Variants in ELL observed in about 807,000 individuals in gnomAD.
ELL encodes the protein RNA polymerase II elongation factor ELL.
A neutral mutation model predicts 64.0 loss-of-function variants in ELL; 18 were observed. The observed-to-expected ratio is 0.28, with a 90% confidence interval of 0.19 to 0.42. ELL has a LOEUF of 0.42. Among genes scored for constraint, ELL ranks in the 10% least tolerant of loss-of-function variants. ELL has a pLI of 1.00. For missense variants in ELL, 797 were observed against 870.4 expected (o/e 0.92, Z 1.06); for synonymous variants, 399 against 376.2 (o/e 1.06, Z -0.70).
Position 18,518,423 on chromosome 19 carries a change from G to C in ELL, c.135+3498C>G, listed in dbSNP as rs993546136. Among the ~76,000 whole-genome samples, 38 of 150,980 alleles carry C rather than the reference G, an allele frequency of 2.5e-4. 1 individual carries two copies. The highest frequency in any genetic ancestry group is 8.5e-4 in the African/African-American group (35 of 40,954). On this transcript the variant is annotated intron_variant, in intron 1 of 11. Transcript: ENST00000262809. ...GACTGAAGCAGGAGGGTGGTAGTTC[G>C]AGGCTGCAGTGAGCTATGATCATGC...
intron 1 of ELL, among the ~76,000 whole-genome samples, chr19:18,509,896 C>T (rs1427138214): frequency 6.6e-6 from 1 of 152,220 alleles, no homozygotes; most frequent in Non-Finnish European, 1.5e-5. Context: ...CCTCATTTTC[C>T]ACAAAAGCTT....
Position 18,461,548 on chromosome 19 carries a change from G to A in ELL, c.744+30C>T, listed in dbSNP as rs192809325. 4.8e-4 allele frequency: 752 copies of A among 1,571,678 alleles called. 1 individual carries two copies. Among genetic ancestry groups the A allele is most frequent in the Middle Eastern group, 9.8e-4 (5 of 5,100 alleles). ...ACAAGACCATCTGCGGAGACCACTGGTAAAGACAAGACATCGGGGCGGCAC... is the reference window on the plus strand; with the variant it reads ...ACAAGACCATCTGCGGAGACCACTGATAAAGACAAGACATCGGGGCGGCAC... On this transcript the variant is annotated intron_variant, in intron 5 of 11. Coordinates refer to ENST00000262809, the MANE Select transcript of ELL (RefSeq NM_006532.4).
At position 18,442,700 on chromosome 19, in the gene ELL, C is replaced by A. The variant is rs1032861380; in HGVS notation, c.*2052G>T. ...AAATTTATTGGAGAATGAAAAAAGTCAGCATTCACCTGTTTAGTGTACAAA... is the reference window on the plus strand; with the variant it reads ...AAATTTATTGGAGAATGAAAAAAGTAAGCATTCACCTGTTTAGTGTACAAA... On this transcript the variant is annotated 3_prime_UTR_variant, in exon 12 of 12. Coordinates refer to ENST00000262809, the MANE Select transcript of ELL (RefSeq NM_006532.4). 57 of 191,952 alleles carry A rather than the reference C, an allele frequency of 3.0e-4. No homozygotes were observed. The highest frequency in any genetic ancestry group is 1.3e-3 in the African/African-American group (57 of 42,972). 11.9% of individuals were successfully genotyped at this position (191,952 alleles called of 1,614,324 possible).
chr19:18,447,361 G>A (rs536698910), intron 8 of ELL, among the ~76,000 whole-genome samples: 1 of 152,240 alleles, frequency 6.6e-6, no homozygotes, highest in Non-Finnish European at 1.5e-5. Flanking sequence ...CCCTTGGTCT[G>A]TGCCCCACCC....
intron 1 of ELL, among the ~76,000 whole-genome samples, chr19:18,513,827 A>G (rs1976077129): frequency 6.6e-6 from 1 of 152,028 alleles, no homozygotes; most frequent in African/African-American, 2.4e-5. Context: ...GCTACGCAAG[A>G]GGCTGAGGCA....
chr19:18,446,965 A>G (rs1338473963), intron 8 of ELL, 151 bp from the exon 9 acceptor site: 1 of 891,528 alleles, frequency 1.1e-6, no homozygotes, highest in African/African-American at 1.7e-5. Flanking sequence ...TGGCAGGTGC[A>G]AGGGCTGAGC....
At chr19:18,494,734 C>A (rs1050574110) in intron 1 of ELL, among the ~76,000 whole-genome samples, 1 of 152,168 alleles carries the variant, frequency 6.6e-6, no homozygotes, top group Non-Finnish European at 1.5e-5. Context: ...CTCCCCTCCC[C>A]CTCCCCACCT....
chr19:18,457,776 G>A (rs1041302997), intron 6 of ELL, among the ~76,000 whole-genome samples: 1 of 152,184 alleles, frequency 6.6e-6, no homozygotes, highest in African/African-American at 2.4e-5. Context: ...CGCCTGCCCT[G>A]CCGGGAGTGT....
chr19:18,477,816 G>A (rs189025973), intron 1 of ELL, among the ~76,000 whole-genome samples: 12 of 152,332 alleles, frequency 7.9e-5, no homozygotes, highest in African/African-American at 1.2e-4. Context: ...AGAGGATGAC[G>A]CGGGCACAGT....
intron 2 of ELL, 191 bp downstream of exon 2, chr19:18,472,644 C>T (rs1046973795): frequency 1.7e-5 from 11 of 635,386 alleles, no homozygotes; most frequent in Admixed American, 6.1e-5. Context: ...CAGCCTGTGA[C>T]GTGCACCCGA....
chr19:18,461,958 T>C, intron 4 of ELL, 106 bp from the exon 5 acceptor site: 1 of 1,409,264 alleles, frequency 7.1e-7, no homozygotes, highest in African/African-American at 1.4e-5. Context: ...ACAGTGCTGG[T>C]GGGAGGCACC....
chr19:18,516,172 G>A (rs958156625), intron 1 of ELL, among the ~76,000 whole-genome samples: 9 of 151,970 alleles, frequency 5.9e-5, no homozygotes, highest in East Asian at 3.9e-4. Context: ...TCCTGCCACC[G>A]GTGCCAAGGG....
At chr19:18,499,686 G>A (rs543448022) in intron 1 of ELL, among the ~76,000 whole-genome samples, 1 of 152,208 alleles carries the variant, frequency 6.6e-6, no homozygotes, top group East Asian at 1.9e-4. Flanking sequence ...CACAGTCAGG[G>A]CATGAGTAGC....
chr19:18,483,261 A>C (rs1239344485), intron 1 of ELL, among the ~76,000 whole-genome samples: 1 of 152,176 alleles, frequency 6.6e-6, no homozygotes, highest in Non-Finnish European at 1.5e-5. Context: ...TCATGACCAC[A>C]GATGCTCCCT....
chr19:18,474,204 G>A (rs965885776), intron 1 of ELL, among the ~76,000 whole-genome samples: 2 of 152,228 alleles, frequency 1.3e-5, no homozygotes, highest in Admixed American at 6.5e-5. Flanking sequence ...TAGGAGCAGC[G>A]GAAGCCGCCT....
At chr19:18,483,154 C>T (rs1975340395) in intron 1 of ELL, among the ~76,000 whole-genome samples, 2 of 152,148 alleles carry the variant, frequency 1.3e-5, no homozygotes, top group Admixed American at 1.3e-4. Flanking sequence ...TCTCCCCTCC[C>T]AAACTAGCAG....
chr19:18,502,257 G>A (rs1975794387), intron 1 of ELL, among the ~76,000 whole-genome samples: 1 of 152,180 alleles, frequency 6.6e-6, no homozygotes, highest in African/African-American at 2.4e-5. Context: ...CAGCAAGGGA[G>A]ACACATGACC....
intron 1 of ELL, among the ~76,000 whole-genome samples, chr19:18,494,385 C>CTTTTCTGT (rs1486640139): frequency 6.6e-6 from 1 of 151,646 alleles, no homozygotes; most frequent in Non-Finnish European, 1.5e-5. Flanking sequence ...AAGTTAGTTT[C>CTTTTCTGT]TTTTTTGTTT....
At chr19:18,465,717 G>C in intron 3 of ELL, 80 bp downstream of exon 3, 1 of 1,453,876 alleles carries the variant, frequency 6.9e-7, no homozygotes, top group Non-Finnish European at 9.1e-7. Context: ...TTTCAATGGG[G>C]CACATCTCAA....
Sources: allele counts gnomAD v4.1 joint callset (sites outside exome capture counted in the v4.1 genomes callset), GRCh38; gene constraint gnomAD v4.1.1; transcripts MANE v1.5; gene names NCBI Gene and HGNC (gene_info 2026-07-23, HGNC 2026-07-21).